The following DLG2 variants were observed in gnomAD, a reference collection of about 807,000 sequenced individuals.
DLG2 encodes discs large MAGUK scaffold protein 2.
Under a neutral mutation model 132.5 loss-of-function variants are expected in DLG2, and 45 were observed. The observed-to-expected ratio is 0.34, with a 90% CI of 0.27 to 0.44. The LOEUF is 0.44. Among genes scored for constraint, DLG2 ranks in the 20% least tolerant of loss-of-function variants. DLG2 has a pLI of 1.00. For synonymous variants in DLG2, 424 were observed against 419.6 expected (o/e 1.01, Z -0.13); for missense variants, 1,045 against 1,196.9 (o/e 0.87, Z 1.87).
intron 19 of DLG2, among the ~76,000 whole-genome samples, chr11:83,597,649 G>C (rs894393523): frequency 1.3e-5 from 2 of 151,802 alleles, no homozygotes; most frequent in African/African-American, 4.8e-5. Flanking sequence ...AGCCAGACAT[G>C]GTGGTGTGTT....
intron 7 of DLG2, among the ~76,000 whole-genome samples, chr11:84,267,100 A>C (rs1329780781): frequency 1.3e-5 from 2 of 152,206 alleles, no homozygotes; most frequent in East Asian, 3.9e-4. Flanking sequence ...CGGTTGGAAG[A>C]CCTAGGTTCT....
intron 7 of DLG2, among the ~76,000 whole-genome samples, chr11:84,460,672 G>C (rs368166041): frequency 6.6e-6 from 1 of 150,646 alleles, no homozygotes; most frequent in East Asian, 1.9e-4. Context: ...ATGAGTGCAT[G>C]TGCATGCATG....
chr11:85,458,745 G>A (rs1480705275), intron 3 of DLG2, among the ~76,000 whole-genome samples: 1 of 152,170 alleles, frequency 6.6e-6, no homozygotes, highest in Non-Finnish European at 1.5e-5. Flanking sequence ...TACACATAGT[G>A]GCCTGTAGGC....
rs191992353 is a variant in DLG2 at position 84,784,457 on chromosome 11, A to T, written c.358-249726T>A. ...TCTCTCATTCTTTGTATTAAGGAAA[A>T]TTTCAAATACATTAAAATAAGACTG... On this transcript the variant is annotated intron_variant, in intron 6 of 27. Coordinates refer to ENST00000376104, the MANE Select transcript of DLG2 (RefSeq NM_001142699.3). 3.0e-3 allele frequency among the ~76,000 whole-genome samples: 453 copies of T among 151,904 alleles called. 3 individuals are homozygous for T. Among genetic ancestry groups the T allele is most frequent in the Non-Finnish European group, 4.3e-3 (290 of 67,934 alleles).
At chr11:84,910,733 C>T (rs1180169258) in intron 6 of DLG2, among the ~76,000 whole-genome samples, 2 of 151,288 alleles carry the variant, frequency 1.3e-5, no homozygotes, top group Non-Finnish European at 2.9e-5. Flanking sequence ...GGCAATATAG[C>T]GAGATTCCCT....
At chr11:84,435,124 C>T (rs1281861534) in intron 7 of DLG2, among the ~76,000 whole-genome samples, 1 of 151,960 alleles carries the variant, frequency 6.6e-6, no homozygotes, top group Non-Finnish European at 1.5e-5. Flanking sequence ...GGCAACATAT[C>T]GTTAGTAGCA....
At chr11:84,709,172 T>C (rs149661058) in intron 6 of DLG2, among the ~76,000 whole-genome samples, 248 of 152,072 alleles carry the variant, frequency 1.6e-3, no homozygotes, top group African/African-American at 5.6e-3. Flanking sequence ...ATTAATAATA[T>C]GCTAGAGATG....
chr11:84,732,431 T>A (rs922335069), intron 6 of DLG2, among the ~76,000 whole-genome samples: 1 of 152,044 alleles, frequency 6.6e-6, no homozygotes, highest in East Asian at 1.9e-4. Flanking sequence ...TCACCTGGTA[T>A]TGTCAATCAT....
intron 6 of DLG2, among the ~76,000 whole-genome samples, chr11:84,557,681 G>T (rs2099414677): frequency 6.6e-6 from 1 of 150,962 alleles, no homozygotes; most frequent in Non-Finnish European, 1.5e-5. Flanking sequence ...TTCTGAGAGA[G>T]ATATTTGGGC....
At chr11:84,646,022 G>A (rs534483489) in intron 6 of DLG2, among the ~76,000 whole-genome samples, 2 of 152,252 alleles carry the variant, frequency 1.3e-5, no homozygotes, top group South Asian at 4.1e-4. Flanking sequence ...TCTGAGAAGG[G>A]GGCCAGCTCT....
chr11:84,240,825 T>C (rs547420653), intron 8 of DLG2, among the ~76,000 whole-genome samples: 2 of 152,208 alleles, frequency 1.3e-5, no homozygotes, highest in East Asian at 1.9e-4. Context: ...ATATAGCAGA[T>C]AAAAATTAAG....
At chr11:84,019,889 A>T (rs533871581) in intron 11 of DLG2, among the ~76,000 whole-genome samples, 14 of 152,156 alleles carry the variant, frequency 9.2e-5, no homozygotes, top group Non-Finnish European at 1.9e-4. Flanking sequence ...TACCCTCCAG[A>T]AGTATGAGAC....
intron 5 of DLG2, among the ~76,000 whole-genome samples, chr11:85,117,962 TA>T (rs1191125711): frequency 6.6e-6 from 1 of 152,010 alleles, no homozygotes; most frequent in Non-Finnish European, 1.5e-5. Flanking sequence ...GAATCCAAAA[TA>T]AAATGACTTC....
intron 6 of DLG2, among the ~76,000 whole-genome samples, chr11:85,040,275 A>C (rs953215770): frequency 6.6e-6 from 1 of 151,910 alleles, no homozygotes; most frequent in African/African-American, 2.4e-5. Context: ...TCAATTCAAA[A>C]CACAACGAAG....
At chr11:85,440,792 G>A (rs1241720900) in intron 3 of DLG2, among the ~76,000 whole-genome samples, 8 of 152,218 alleles carry the variant, frequency 5.3e-5, no homozygotes. Context: ...ACAGCAGGTA[G>A]AGTGGAGATT....
At chr11:83,878,680 C>G (rs1417436526) in intron 15 of DLG2, among the ~76,000 whole-genome samples, 1 of 152,120 alleles carries the variant, frequency 6.6e-6, no homozygotes, top group Non-Finnish European at 1.5e-5. Context: ...CACACCACCT[C>G]ATTAGTAAGT....
intron 6 of DLG2, among the ~76,000 whole-genome samples, chr11:84,760,444 G>C (rs958471189): frequency 1.3e-5 from 2 of 152,120 alleles, no homozygotes; most frequent in Non-Finnish European, 2.9e-5. Context: ...CAATAGTCTG[G>C]GGTTTGCCTT....
At chr11:84,284,423 T>G (rs921549588) in intron 7 of DLG2, among the ~76,000 whole-genome samples, 8 of 152,210 alleles carry the variant, frequency 5.3e-5, no homozygotes, top group Non-Finnish European at 4.4e-5. Context: ...AATCATTCAG[T>G]CATGTCTCAA....
rs552328909 is a variant in DLG2 at position 84,647,326 on chromosome 11, G to A, written c.358-112595C>T. ...TAATGATGCCTTCTCTAGACCTATC[G>A]TTACAATCATCACCAAATTAATATT... On this transcript the variant is annotated intron_variant, in intron 6 of 27. Transcript: ENST00000376104. 1.8e-4 allele frequency among the ~76,000 whole-genome samples: 27 copies of A among 152,018 alleles called. 1 individual carries two copies. Among genetic ancestry groups the A allele is most frequent in the East Asian group, 1.2e-3 (6 of 5,168 alleles).
Sources: allele counts gnomAD v4.1 joint callset (sites outside exome capture counted in the v4.1 genomes callset), GRCh38; gene constraint gnomAD v4.1.1; transcripts MANE v1.5; gene names NCBI Gene and HGNC (gene_info 2026-07-23, HGNC 2026-07-21).